RGS6: variants seen among roughly 807,000 people sequenced by gnomAD.
The protein encoded by RGS6 is regulator of G-protein signaling 6.
Under a neutral mutation model 78.5 loss-of-function variants are expected in RGS6, and 30 were observed. That is an observed-to-expected ratio of 0.38 (90% CI 0.29 to 0.52). RGS6 has a LOEUF of 0.52. Ranked by LOEUF, RGS6 falls within the 20% of genes least tolerant of loss-of-function variation. The pLI is 0.85. For missense variants in RGS6, 495 were observed against 609.7 expected (o/e 0.81, Z 1.98); for synonymous variants, 206 against 206.0 (o/e 1.00, Z 0.00).
In RGS6 at chr14:71,942,445, A is replaced by G. The variant is rs760961583; in HGVS notation, c.-21+9504A>G. ...CCTTGCTCCCCTCTCCTCATCCCCC[A>G]TCCCTCCCACCAAGAAAAAAGGCTC... On this transcript the variant is annotated intron_variant, in intron 1 of 17. Coordinates refer to ENST00000553525, the MANE Select transcript of RGS6 (RefSeq NM_001204424.2). 4.6e-4 allele frequency among the ~76,000 whole-genome samples: 70 copies of G among 152,178 alleles called. 2 individuals carry two copies. The highest frequency in any genetic ancestry group is 1.1e-3 in the Admixed American group (17 of 15,284).
the RGS6 span, among the ~76,000 whole-genome samples, chr14:71,918,502 C>T: frequency 6.6e-6 from 1 of 152,062 alleles, no homozygotes; most frequent in African/African-American, 2.4e-5. Context: ...AATGAAAATG[C>T]GTAGTTTATT....
intron 2 of RGS6, among the ~76,000 whole-genome samples, chr14:72,346,932 G>A (rs1014163859): frequency 6.6e-6 from 1 of 152,176 alleles, no homozygotes; most frequent in Admixed American, 6.5e-5. Context: ...TGGCATAATG[G>A]TTTCCAGTGT....
intron 2 of RGS6, among the ~76,000 whole-genome samples, chr14:72,306,187 C>T (rs183207138): frequency 3.9e-5 from 6 of 152,242 alleles, no homozygotes; most frequent in Admixed American, 1.3e-4. Flanking sequence ...GATCTGTTTA[C>T]AGAAGGATTT....
the RGS6 span, among the ~76,000 whole-genome samples, chr14:72,588,617 C>A: frequency 6.6e-6 from 1 of 152,160 alleles, no homozygotes; most frequent in East Asian, 1.9e-4. Context: ...TCTGGCAATT[C>A]TTTTGTTGAG....
the RGS6 span, among the ~76,000 whole-genome samples, chr14:72,591,460 A>G: frequency 6.6e-6 from 1 of 152,190 alleles, no homozygotes; most frequent in South Asian, 2.1e-4. Context: ...TGGCTGGAGA[A>G]CTAAATTTGA....
At chr14:72,233,549 C>T (rs993929526) in intron 2 of RGS6, among the ~76,000 whole-genome samples, 17 of 152,208 alleles carry the variant, frequency 1.1e-4, no homozygotes, top group East Asian at 3.8e-4. Context: ...ATGTCACTTA[C>T]ATTTAAACCC....
the RGS6 span, among the ~76,000 whole-genome samples, chr14:71,883,970 G>A: frequency 6.6e-6 from 1 of 152,194 alleles, no homozygotes. Flanking sequence ...AGTATCCTTA[G>A]TCCAGCAGCC....
At chr14:72,462,168 G>T (rs1212018402) in intron 6 of RGS6, among the ~76,000 whole-genome samples, 1 of 152,198 alleles carries the variant, frequency 6.6e-6, no homozygotes, top group African/African-American at 2.4e-5. Flanking sequence ...CTATGTCAGA[G>T]ATTTGAATAA....
At chr14:72,518,612 T>G (rs2096985330) in intron 15 of RGS6, 75 bp downstream of exon 15, 17 of 1,370,524 alleles carry the variant, frequency 1.2e-5, no homozygotes, top group Non-Finnish European at 1.4e-5. Context: ...TTAACACAAG[T>G]TCAAGGCATT....
At chr14:72,534,141 A>G (rs2097215706) in intron 15 of RGS6, among the ~76,000 whole-genome samples, 1 of 152,206 alleles carries the variant, frequency 6.6e-6, no homozygotes, top group African/African-American at 2.4e-5. Flanking sequence ...TTCGGCAATC[A>G]CCACCCTAAT....
chr14:71,871,953 G>A, the RGS6 span, among the ~76,000 whole-genome samples: 1 of 150,548 alleles, frequency 6.6e-6, no homozygotes, highest in African/African-American at 2.4e-5. Flanking sequence ...CACTGAATTT[G>A]AGCTCAATGT....
At chr14:72,540,798 A>G (rs1359329185) in intron 17 of RGS6, 2 of 985,272 alleles carry the variant, frequency 2.0e-6, no homozygotes, top group Non-Finnish European at 2.4e-6. Context: ...TGATTCTAAC[A>G]GGCTGGGTAA....
chr14:71,943,074 G>A lies in RGS6; in HGVS notation c.-21+10133G>A, dbSNP rs77508316. Among the ~76,000 whole-genome samples, 1,123 of 152,220 alleles carry A rather than the reference G, an allele frequency of 7.4e-3. 8 individuals are homozygous for A. Among genetic ancestry groups the A allele is most frequent in the Non-Finnish European group, 0.013 (891 of 68,022 alleles). The stretch of plus-strand genomic sequence containing the variant: ...CATTCTACAAAGCCAGCTGAGGTGA[G>A]GTCCCCTGCATGAATGAGAGCTGGT... On this transcript the variant is annotated intron_variant, in intron 1 of 17. Transcript: ENST00000553525.
At chr14:72,462,705 G>T (rs182441625) in intron 6 of RGS6, among the ~76,000 whole-genome samples, 1 of 152,298 alleles carries the variant, frequency 6.6e-6, no homozygotes, top group East Asian at 1.9e-4. Context: ...ATGTCATAGA[G>T]GAAACTCTGC....
At chr14:72,472,626 C>T (rs1465175050) in intron 8 of RGS6, among the ~76,000 whole-genome samples, 1 of 152,166 alleles carries the variant, frequency 6.6e-6, no homozygotes, top group African/African-American at 2.4e-5. Context: ...ATGTTCATTA[C>T]ACATGTATGG....
intron 2 of RGS6, among the ~76,000 whole-genome samples, chr14:72,115,012 T>C (rs543542690): frequency 6.6e-6 from 1 of 152,312 alleles, no homozygotes; most frequent in Non-Finnish European, 1.5e-5. Flanking sequence ...ATCTAACAGA[T>C]CATTTACTAA....
At chr14:72,531,882 G>A (rs914841992) in intron 15 of RGS6, among the ~76,000 whole-genome samples, 1 of 152,174 alleles carries the variant, frequency 6.6e-6, no homozygotes, top group African/African-American at 2.4e-5. Context: ...TCACCGTAAT[G>A]TTCAAGAGAC....
intron 12 of RGS6, among the ~76,000 whole-genome samples, chr14:72,491,133 A>C (rs2096572398): frequency 6.6e-6 from 1 of 152,218 alleles, no homozygotes; most frequent in African/African-American, 2.4e-5. Context: ...TGTGGCTCTG[A>C]CTTTGCTGTT....
chr14:72,405,066 G>A (rs2092800371), intron 3 of RGS6, among the ~76,000 whole-genome samples: 1 of 152,096 alleles, frequency 6.6e-6, no homozygotes, highest in African/African-American at 2.4e-5. Context: ...TAAGATCAGT[G>A]TAAGGGAAAA....
Sources: gnomAD v4.1 joint callset for allele counts (sites outside exome capture counted in the v4.1 genomes callset) on GRCh38, gnomAD v4.1.1 for gene constraint, MANE v1.5 for transcripts, NCBI Gene and HGNC (gene_info 2026-07-23, HGNC 2026-07-21) for gene names.